PUM2: variants seen among roughly 807,000 people sequenced by gnomAD.
PUM2 encodes the protein pumilio homolog 2.
Under a neutral mutation model 124.5 loss-of-function variants are expected in PUM2, and 57 were observed. The observed-to-expected ratio is 0.46, with a 90% CI of 0.37 to 0.57. The LOEUF is 0.57. PUM2 is among the 20% of genes least tolerant of loss of function. The probability of loss-of-function intolerance (pLI) is 0.00; values close to 1 mark genes in which losing one functional copy is unlikely to be tolerated. For missense variants in PUM2, 1,065 were observed against 1,290.6 expected (o/e 0.83, Z 2.68); for synonymous variants, 460 against 446.1 (o/e 1.03, Z -0.39).
At chr2:20,294,661 G>A in intron 8 of PUM2, 143 bp from the exon 9 acceptor site, 1 of 981,690 alleles carries the variant, frequency 1.0e-6, no homozygotes, top group Non-Finnish European at 1.4e-6. Context: ...ACAAAGTATT[G>A]ATGGGTGACA....
At chr2:20,335,948 T>C (rs1430271185) in intron 1 of PUM2, among the ~76,000 whole-genome samples, 1 of 152,226 alleles carries the variant, frequency 6.6e-6, no homozygotes, top group Non-Finnish European at 1.5e-5. Flanking sequence ...AAGTTTCTCC[T>C]CTTATAAGGC....
At chr2:20,349,339 G>T (rs1035711871) in intron 1 of PUM2, among the ~76,000 whole-genome samples, 2 of 152,028 alleles carry the variant, frequency 1.3e-5, no homozygotes, top group African/African-American at 2.4e-5. Context: ...TACAAAAACT[G>T]CCCTCATGCA....
At chr2:20,289,540 G>C (rs1327683364) in intron 10 of PUM2, among the ~76,000 whole-genome samples, 1 of 151,982 alleles carries the variant, frequency 6.6e-6, no homozygotes, top group East Asian at 1.9e-4. Flanking sequence ...TATATGGCTG[G>C]GGTATAAAAA....
chr2:20,297,632 A>C lies in PUM2; in HGVS notation c.930T>G (p.Asn310Lys). The C allele has an allele frequency of 6.2e-7, 1 of 1,613,412 alleles. No individual in the cohort carries two copies. ...AGLAPAAFVPNPYIISAAPPG... is the reference protein window; with the variant it reads ...AGLAPAAFVPKPYIISAAPPG... ...GAGGAGCAGCACTAATAATGTATGG[A>C]TTTGGCACAAATGCAGCTGGAGCAA... is the stretch of plus-strand genomic sequence containing the variant. Residue 310 changes from asparagine (N) to lysine (K), a missense_variant, in exon 8 of 21, where the codon AAT becomes AAG. Physicochemically the swap from Asn to Lys is moderately conservative, Grantham distance 94. This residue lies in a region of PUM2 where 968 missense variants were observed against 1,159.8 expected (regional missense o/e 0.83). Coordinates refer to ENST00000361078, the MANE Select transcript of PUM2 (RefSeq NM_015317.5).
intron 1 of PUM2, among the ~76,000 whole-genome samples, chr2:20,344,605 C>T (rs963851381): frequency 6.6e-6 from 1 of 152,106 alleles, no homozygotes; most frequent in African/African-American, 2.4e-5. Context: ...GTCATTCTAC[C>T]CTATCAGGAT....
chr2:20,287,984 T>C lies in PUM2; in HGVS notation c.1291+2668A>G, dbSNP rs886099746. Among the ~76,000 whole-genome samples, 14 of 152,146 alleles carry C rather than the reference T, an allele frequency of 9.2e-5. No individual in the cohort carries two copies. The East Asian group carries it at 1.3e-3, about 15-fold the overall frequency. On this transcript the variant is annotated intron_variant, in intron 10 of 20. Transcript: ENST00000361078. ...ATAAGGACAGACATGTATTAGGTGT[T>C]CAGAAAAGAATCCAAGATGCAGATG...
At chr2:20,297,054 G>A (rs991130535) in intron 8 of PUM2, among the ~76,000 whole-genome samples, 4 of 152,044 alleles carry the variant, frequency 2.6e-5, no homozygotes, top group Admixed American at 2.0e-4. Context: ...TTTTTAGTAC[G>A]TTCTTTCCAA....
chr2:20,277,906 C>A (rs771607644), intron 13 of PUM2, among the ~76,000 whole-genome samples: 8 of 152,114 alleles, frequency 5.3e-5, no homozygotes, highest in Non-Finnish European at 1.2e-4. Flanking sequence ...GTATTATCTA[C>A]ATGGATAAAT....
intron 1 of PUM2, among the ~76,000 whole-genome samples, chr2:20,345,590 G>A (rs1688095278): frequency 6.6e-6 from 1 of 152,110 alleles, no homozygotes; most frequent in Admixed American, 6.5e-5. Flanking sequence ...AAAAATGTGT[G>A]GGGCGAGGCA....
At chr2:20,333,453 G>A (rs1685332320) in intron 1 of PUM2, among the ~76,000 whole-genome samples, 2 of 152,100 alleles carry the variant, frequency 1.3e-5, no homozygotes, top group South Asian at 4.1e-4. Flanking sequence ...AGGATCGCTT[G>A]AGCCCAGGAG....
intron 9 of PUM2, among the ~76,000 whole-genome samples, chr2:20,294,058 T>C (rs1674895363): frequency 1.3e-5 from 2 of 152,128 alleles, no homozygotes; most frequent in African/African-American, 4.8e-5. Context: ...TGGAAAAATA[T>C]GAAGGAATAA....
intron 1 of PUM2, among the ~76,000 whole-genome samples, chr2:20,335,558 A>C: frequency 6.6e-6 from 1 of 152,222 alleles, no homozygotes; most frequent in East Asian, 1.9e-4. Context: ...TCACTTAGCT[A>C]GTGGGTCAAC....
chr2:20,309,923 C>T (rs536329403), intron 5 of PUM2, among the ~76,000 whole-genome samples: 2 of 152,224 alleles, frequency 1.3e-5, no homozygotes, highest in Non-Finnish European at 2.9e-5. Context: ...AAACTCCTTT[C>T]CCTTTAAGCC....
At position 20,319,961 on chromosome 2, in the gene PUM2, G is replaced by C. The variant is rs180886996; in HGVS notation, c.52-1316C>G. Among the ~76,000 whole-genome samples, 10 of 152,284 alleles carry C rather than the reference G, an allele frequency of 6.6e-5. No individual in the cohort carries two copies. The East Asian group carries it at 1.5e-3, about 23-fold the overall frequency. On this transcript the variant is annotated intron_variant, in intron 2 of 20. Coordinates refer to ENST00000361078, the MANE Select transcript of PUM2 (RefSeq NM_015317.5). ...GCAATTTACAATAAGAGGGCCAAGAGAGCAAGAACTAAAAGAGGGTACTGG... is the reference window on the plus strand; with the variant it reads ...GCAATTTACAATAAGAGGGCCAAGACAGCAAGAACTAAAAGAGGGTACTGG...
At chr2:20,273,883 T>C (rs1221755312) in intron 13 of PUM2, among the ~76,000 whole-genome samples, 1 of 152,156 alleles carries the variant, frequency 6.6e-6, no homozygotes, top group Non-Finnish European at 1.5e-5. Context: ...GAAAGGAACC[T>C]AAAAAGCTGG....
chr2:20,314,541 G>A (rs1387993040), intron 3 of PUM2, among the ~76,000 whole-genome samples: 5 of 152,178 alleles, frequency 3.3e-5, no homozygotes. Flanking sequence ...TAAGCTACCA[G>A]CTACCTCTGA....
intron 13 of PUM2, among the ~76,000 whole-genome samples, chr2:20,272,986 TTA>T (rs1219714985): frequency 3.3e-5 from 5 of 152,220 alleles, no homozygotes; most frequent in Non-Finnish European, 7.3e-5. Flanking sequence ...ACTTTCATTT[TTA>T]TGTTATTTGG....
chr2:20,267,086 A>G (rs1392695832), intron 13 of PUM2, among the ~76,000 whole-genome samples: 2 of 150,702 alleles, frequency 1.3e-5, no homozygotes, highest in Non-Finnish European at 2.9e-5. Context: ...GCAGTGATGC[A>G]ATCTTGGCTC....
intron 3 of PUM2, among the ~76,000 whole-genome samples, chr2:20,312,745 G>T (rs1265409862): frequency 1.3e-5 from 2 of 152,060 alleles, no homozygotes; most frequent in African/African-American, 4.8e-5. Flanking sequence ...AACCAAAAAA[G>T]AGTCCGCATA....
Sources: gnomAD v4.1 joint callset for allele counts (sites outside exome capture counted in the v4.1 genomes callset) on GRCh38, gnomAD v4.1.1 for gene constraint, gnomAD v4.1.1 regional missense constraint, MANE v1.5 for transcripts, NCBI Gene and HGNC (gene_info 2026-07-23, HGNC 2026-07-21) for gene names.